Variants in INPP4B observed in about 807,000 individuals in gnomAD.
INPP4B encodes the protein inositol polyphosphate-4-phosphatase type II B.
In INPP4B, 55 loss-of-function variants were observed where a neutral mutation model predicts 122.5. The ratio of observed to expected loss-of-function variants is 0.45; its 90% CI spans 0.36 to 0.56. INPP4B has a LOEUF of 0.56. Among genes scored for constraint, INPP4B ranks in the 20% least tolerant of loss-of-function variants. The pLI is 0.00. For missense variants in INPP4B, 1,000 were observed against 1,097.7 expected, an observed-to-expected ratio of 0.91 and a Z score of 1.26; for synonymous variants, 403 against 388.7, an observed-to-expected ratio of 1.04 and a Z score of -0.43.
chr4:142,809,633 A>G (rs1383936949), intron 1 of INPP4B, among the ~76,000 whole-genome samples: 1 of 152,184 alleles, frequency 6.6e-6, no homozygotes, highest in Non-Finnish European at 1.5e-5. Context: ...GGAAAAAAGT[A>G]CTGACTCAAA....
At chr4:142,840,984 T>C (rs1274506498) in intron 1 of INPP4B, among the ~76,000 whole-genome samples, 1 of 152,066 alleles carries the variant, frequency 6.6e-6, no homozygotes, top group Non-Finnish European at 1.5e-5. Flanking sequence ...AGACATCCTC[T>C]TTTTAAAAAC....
rs781427853 is a variant in INPP4B, at chr4:142,028,837, G to T, written c.2720C>A (p.Ala907Asp). 3.1e-6 allele frequency: 5 copies of T among 1,613,472 alleles called. No individual in the cohort carries two copies. Among genetic ancestry groups the T allele is most frequent in the Non-Finnish European group, 4.2e-6 (5 of 1,179,688 alleles). The change falls in exon 26 of 26, where the codon GCT (alanine) becomes GAT (aspartate). Residue 907 changes from alanine to aspartate, a missense_variant. Coordinates refer to ENST00000262992, the MANE Select transcript of INPP4B (RefSeq NM_001101669.3). ...TGGAGGTCTGTAGTACTTGGGGAAA[G>T]CCATCAGCTGTAGCATGTTGAAAGC... ...KYAFNMLQLM[A>D]FPKYYRPPEG... is the part of the protein sequence containing the mutation.
At chr4:142,686,993 T>A (rs962102824) in intron 2 of INPP4B, among the ~76,000 whole-genome samples, 2 of 151,996 alleles carry the variant, frequency 1.3e-5, no homozygotes, top group Non-Finnish European at 2.9e-5. Flanking sequence ...CTTTTTGGTA[T>A]ATGGGAAACA....
intron 1 of INPP4B, among the ~76,000 whole-genome samples, chr4:142,824,485 C>CTATTCAA (rs1244676499): frequency 6.6e-6 from 1 of 152,050 alleles, no homozygotes; most frequent in Non-Finnish European, 1.5e-5. Flanking sequence ...TGCCTTCAAC[C>CTATTCAA]TATTCAATTA....
At chr4:142,146,478 C>T (rs1419582347) in intron 17 of INPP4B, among the ~76,000 whole-genome samples, 1 of 152,080 alleles carries the variant, frequency 6.6e-6, no homozygotes, top group Non-Finnish European at 1.5e-5. Flanking sequence ...TACTAGCATC[C>T]ACTTTCAGAA....
intron 18 of INPP4B, among the ~76,000 whole-genome samples, chr4:142,135,649 G>A (rs1387536682): frequency 6.6e-6 from 1 of 152,118 alleles, no homozygotes; most frequent in Non-Finnish European, 1.5e-5. Context: ...CTTGCAGAAA[G>A]TGTGACAACG....
At chr4:142,829,101 A>G (rs952399848) in intron 1 of INPP4B, among the ~76,000 whole-genome samples, 4 of 151,882 alleles carry the variant, frequency 2.6e-5, no homozygotes, top group Non-Finnish European at 5.9e-5. Flanking sequence ...TGAAGTGCCC[A>G]AAGAAATAAG....
At chr4:142,290,195 C>CTTTTTTTTTTTTTTTTT (rs35260066) in intron 9 of INPP4B, among the ~76,000 whole-genome samples, 4 of 77,502 alleles carry the variant, frequency 5.2e-5, no homozygotes, top group Non-Finnish European at 6.9e-5. Flanking sequence ...TTCTTTCTTC[C>CTTTTTTTTTTTTTTTTT]TTTTTTTTTT....
At chr4:142,152,230 A>G (rs1024261778) in intron 17 of INPP4B, among the ~76,000 whole-genome samples, 7 of 149,816 alleles carry the variant, frequency 4.7e-5, no homozygotes, top group African/African-American at 1.7e-4. Context: ...GCCCACCACC[A>G]CACCCGGCTA....
At chr4:142,089,472 CACACACACAGAG>C (rs1778439281) in intron 23 of INPP4B, among the ~76,000 whole-genome samples, 1 of 113,904 alleles carries the variant, frequency 8.8e-6, no homozygotes, top group Non-Finnish European at 1.9e-5. Context: ...CACACACACA[CACACACACAGAG>C]AGAGAGAGAG....
chr4:142,255,457 C>T (rs897390034), intron 11 of INPP4B, among the ~76,000 whole-genome samples: 15 of 152,078 alleles, frequency 9.9e-5, no homozygotes, highest in African/African-American at 3.6e-4. Flanking sequence ...ATTCAGGAAA[C>T]CCATCTCACA....
intron 9 of INPP4B, among the ~76,000 whole-genome samples, chr4:142,285,026 G>T (rs1224193600): frequency 1.3e-5 from 2 of 152,052 alleles, no homozygotes. Flanking sequence ...AGTGGATGTG[G>T]GGGAGGGGCT....
intron 7 of INPP4B, among the ~76,000 whole-genome samples, chr4:142,335,851 TCG>T (rs759013194): frequency 3.3e-4 from 50 of 152,330 alleles, no homozygotes; most frequent in Non-Finnish European, 4.1e-4. Flanking sequence ...GACAAATTCC[TCG>T]CCAGACAAGG....
intron 9 of INPP4B, among the ~76,000 whole-genome samples, chr4:142,290,611 CT>C (rs1207932894): frequency 2.6e-5 from 4 of 152,168 alleles, no homozygotes; most frequent in Non-Finnish European, 5.9e-5. Flanking sequence ...TGTTTAGGGC[CT>C]TTGCACTAGC....
intron 9 of INPP4B, among the ~76,000 whole-genome samples, chr4:142,299,208 G>A (rs1579650335): frequency 7.1e-6 from 1 of 140,014 alleles, no homozygotes; most frequent in African/African-American, 3.0e-5. Flanking sequence ...CCCTAGGCTG[G>A]AGTATAGTAG....
chr4:142,106,986 A>T (rs565519106), intron 23 of INPP4B, among the ~76,000 whole-genome samples: 2 of 152,266 alleles, frequency 1.3e-5, no homozygotes, highest in East Asian at 3.9e-4. Context: ...ATTAATTGCT[A>T]AAGAAAAATA....
At chr4:142,738,955 G>T (rs1212776994) in intron 1 of INPP4B, among the ~76,000 whole-genome samples, 3 of 152,062 alleles carry the variant, frequency 2.0e-5, no homozygotes, top group Non-Finnish European at 2.9e-5. Context: ...TGACCTAGGG[G>T]TTTCTTGTTT....
At chr4:142,061,253 G>A (rs1260610875) in intron 25 of INPP4B, among the ~76,000 whole-genome samples, 1 of 152,162 alleles carries the variant, frequency 6.6e-6, no homozygotes, top group Non-Finnish European at 1.5e-5. Flanking sequence ...CCGTACATGT[G>A]CAAGTAAAGG....
intron 2 of INPP4B, among the ~76,000 whole-genome samples, chr4:142,613,561 A>G (rs1033371551): frequency 6.6e-6 from 1 of 152,234 alleles, no homozygotes; most frequent in Non-Finnish European, 1.5e-5. Context: ...TCTAAAATTC[A>G]CAACACATAT....
Sources: gnomAD v4.1 joint callset for allele counts (sites outside exome capture counted in the v4.1 genomes callset) on GRCh38, gnomAD v4.1.1 for gene constraint, MANE v1.5 for transcripts, NCBI Gene and HGNC (gene_info 2026-07-23, HGNC 2026-07-21) for gene names.